Variants in DSCAM observed in about 807,000 individuals in gnomAD.
The protein encoded by DSCAM is DS cell adhesion molecule.
In DSCAM, 47 loss-of-function variants were observed where a neutral mutation model predicts 217.7. The observed-to-expected ratio is 0.22, with a 90% CI of 0.17 to 0.28. The LOEUF is 0.28. Among genes scored for constraint, DSCAM ranks in the 10% least tolerant of loss-of-function variants. The pLI, the probability that DSCAM is intolerant of heterozygous loss-of-function variation, is 1.00. For synonymous variants in DSCAM, 1,056 were observed against 1,015.3 expected, an observed-to-expected ratio of 1.04 and a Z score of -0.76; for missense variants, 2,080 against 2,618.3, an observed-to-expected ratio of 0.79 and a Z score of 4.49.
chr21:40,700,528 T>C (rs1488242219), intron 2 of DSCAM, among the ~76,000 whole-genome samples: 2 of 152,202 alleles, frequency 1.3e-5, no homozygotes, highest in African/African-American at 2.4e-5. Flanking sequence ...GTGGTCATAA[T>C]GTATTATTCC....
At chr21:40,073,961 A>C (rs1294620626) in intron 27 of DSCAM, among the ~76,000 whole-genome samples, 1 of 152,216 alleles carries the variant, frequency 6.6e-6, no homozygotes, top group Non-Finnish European at 1.5e-5. Context: ...TGTACTTCAG[A>C]ATTGTAATTT....
intron 1 of DSCAM, among the ~76,000 whole-genome samples, chr21:40,844,018 C>T (rs933927063): frequency 1.3e-5 from 2 of 151,372 alleles, no homozygotes; most frequent in African/African-American, 4.9e-5. Flanking sequence ...ATGCTTGAGG[C>T]CTAGCAATAA....
At chr21:40,653,274 G>A (rs2090037261) in intron 3 of DSCAM, among the ~76,000 whole-genome samples, 1 of 152,144 alleles carries the variant, frequency 6.6e-6, no homozygotes, top group South Asian at 2.1e-4. Flanking sequence ...TTTCCACATG[G>A]GTTCCTGTTA....
intron 3 of DSCAM, among the ~76,000 whole-genome samples, chr21:40,459,780 A>G (rs2075791415): frequency 6.6e-6 from 1 of 151,762 alleles, no homozygotes; most frequent in African/African-American, 2.4e-5. Context: ...GTAAACATGC[A>G]AAAACAACCA....
At chr21:40,550,125 A>G (rs894702733) in intron 3 of DSCAM, among the ~76,000 whole-genome samples, 1 of 152,164 alleles carries the variant, frequency 6.6e-6, no homozygotes, top group Non-Finnish European at 1.5e-5. Flanking sequence ...TGGATCCCAG[A>G]TCCACACCAA....
At chr21:40,559,917 C>T (rs1034838260) in intron 3 of DSCAM, among the ~76,000 whole-genome samples, 7 of 151,798 alleles carry the variant, frequency 4.6e-5, no homozygotes, top group Admixed American at 3.3e-4. Context: ...CTCAGCCTCC[C>T]GAGTAGCTGG....
chr21:40,605,788 ATTCTTTTT>A (rs2089227899), intron 3 of DSCAM, among the ~76,000 whole-genome samples: 1 of 92,454 alleles, frequency 1.1e-5, no homozygotes, highest in African/African-American at 4.1e-5. Context: ...CTTAATGCAC[ATTCTTTTT>A]TTTTTTTTTT....
intron 3 of DSCAM, among the ~76,000 whole-genome samples, chr21:40,494,514 T>C (rs1601689009): frequency 3.3e-5 from 5 of 152,236 alleles, no homozygotes; most frequent in Admixed American, 3.3e-4. Context: ...AAGAAATTAA[T>C]AGGTCATTTT....
At chr21:40,842,468 AC>A (rs2092111158) in intron 1 of DSCAM, among the ~76,000 whole-genome samples, 1 of 152,222 alleles carries the variant, frequency 6.6e-6, no homozygotes, top group Non-Finnish European at 1.5e-5. Flanking sequence ...ATTTTACGAA[AC>A]CTGGATGCCA....
chr21:40,050,466 G>A (rs78654939), intron 30 of DSCAM, among the ~76,000 whole-genome samples: 3,588 of 151,142 alleles, frequency 0.024, 68 homozygotes, highest in Non-Finnish European at 0.037. Flanking sequence ...AACGGCTGAA[G>A]AGATGTCAAA....
In DSCAM at chr21:40,013,330, C is replaced by T. The variant is rs1196763027; in HGVS notation, c.5743G>A (p.Gly1915Ser). Residue 1915 changes from glycine (G) to serine (S), a missense_variant, in exon 33 of 33, where the codon GGT becomes AGT. Physicochemically the swap from Gly to Ser is moderately conservative, Grantham distance 56. This residue lies in a region of DSCAM where 145 missense variants were observed against 138.5 expected (regional missense o/e 1.05). Transcript: ENST00000400454. ...CTCAGGTCCCTGCTGGTGCCTGGAC[C>T]ACCTCGGTTTAACAAAAAGTCCATT... ...LRMDFLLNRG[G>S]PGTSRDLSLG... 1 of 1,606,586 alleles carries T rather than the reference C, an allele frequency of 6.2e-7. No homozygotes were observed. Among genetic ancestry groups the T allele is most frequent in the Non-Finnish European group, 8.5e-7 (1 of 1,177,114 alleles).
intron 3 of DSCAM, among the ~76,000 whole-genome samples, chr21:40,420,043 A>T (rs553420217): frequency 6.6e-6 from 1 of 152,168 alleles, no homozygotes; most frequent in East Asian, 1.9e-4. Flanking sequence ...AGGGACTGAT[A>T]ATATAATAAA....
chr21:40,819,722 A>T (rs1357920457), intron 1 of DSCAM, among the ~76,000 whole-genome samples: 1 of 152,176 alleles, frequency 6.6e-6, no homozygotes, highest in Non-Finnish European at 1.5e-5. Flanking sequence ...GTTTGCCATG[A>T]TGGAAACTGT....
chr21:40,716,015 A>G (rs17000237), intron 1 of DSCAM, among the ~76,000 whole-genome samples: 19,935 of 152,188 alleles, frequency 0.13, 1,391 homozygotes, highest in Middle Eastern at 0.18. Context: ...AGCTTGTGAA[A>G]TTATTTAAAT....
rs183363235 is a variant in DSCAM, at chr21:40,018,846, C to T, written c.5687-5460G>A. ...AATGCCTACATGTATTTGTTTATTG[C>T]AGGTCTGACAAGTATCTCTGAATAT... On this transcript the variant is annotated intron_variant, in intron 32 of 32. Transcript: ENST00000400454. 4.8e-3 allele frequency among the ~76,000 whole-genome samples: 725 copies of T among 152,290 alleles called. 3 individuals are homozygous for T. Among genetic ancestry groups the T allele is most frequent in the Non-Finnish European group, 7.5e-3 (507 of 68,028 alleles).
intron 1 of DSCAM, among the ~76,000 whole-genome samples, chr21:40,739,999 A>G (rs2091108250): frequency 7.5e-6 from 1 of 132,552 alleles, no homozygotes; most frequent in Admixed American, 8.5e-5. Flanking sequence ...CAACATTTAA[A>G]CCAAGAGCTA....
intron 11 of DSCAM, among the ~76,000 whole-genome samples, chr21:40,202,458 C>A (rs2091080397): frequency 6.6e-6 from 1 of 152,336 alleles, no homozygotes. Context: ...GGCTCCCAGC[C>A]GTTCAGTGTG....
At chr21:40,361,147 T>TA (rs2074759622) in intron 4 of DSCAM, among the ~76,000 whole-genome samples, 2 of 149,622 alleles carry the variant, frequency 1.3e-5, no homozygotes, top group Non-Finnish European at 3.0e-5. Context: ...ATATATATAT[T>TA]ACAAAAATTA....
intron 3 of DSCAM, among the ~76,000 whole-genome samples, chr21:40,435,875 T>C (rs111747973): frequency 0.012 from 1,900 of 152,304 alleles, 38 homozygotes; most frequent in African/African-American, 0.043. Flanking sequence ...TTTCCCAGGC[T>C]AGCGATATGT....
Sources: gnomAD v4.1 joint callset for allele counts (sites outside exome capture counted in the v4.1 genomes callset) on GRCh38, gnomAD v4.1.1 for gene constraint, gnomAD v4.1.1 regional missense constraint, MANE v1.5 for transcripts, NCBI Gene and HGNC (gene_info 2026-07-23, HGNC 2026-07-21) for gene names.